The following REPS2 variants were observed in gnomAD, a reference collection of about 807,000 sequenced individuals.
REPS2 encodes RALBP1 associated Eps domain containing 2.
Under a neutral mutation model 53.6 loss-of-function variants are expected in REPS2, and 23 were observed. The ratio of observed to expected loss-of-function variants is 0.43; its 90% confidence interval spans 0.31 to 0.61. The LOEUF (loss-of-function observed/expected upper bound fraction) is 0.61, where lower values mean the gene tolerates loss of function less well. Ranked by LOEUF, REPS2 falls within the 20% of genes least tolerant of loss-of-function variation. The pLI is 0.11. For missense variants in REPS2, 446 were observed against 534.9 expected (o/e 0.83, Z 1.64); for synonymous variants, 238 against 218.6 (o/e 1.09, Z -0.78).
intron 1 of REPS2, among the ~76,000 whole-genome samples, chrX:16,951,543 ACACACACACACACACACC>A (rs760497779): frequency 0.19 from 12,002 of 62,974 alleles, 882 homozygotes; most frequent in Non-Finnish European, 0.28. Flanking sequence ...ACACACACAC[ACACACACACACACACACC>A]CCCGCTACCT....
chrX:17,000,499 A>T (rs1294143527), intron 1 of REPS2, among the ~76,000 whole-genome samples: 1 of 111,595 alleles, frequency 9.0e-6, no homozygotes, highest in African/African-American at 3.3e-5. Flanking sequence ...CACTTTCTAC[A>T]TGGCTACTGA....
At chrX:17,032,461 T>C (rs1017287836) in intron 5 of REPS2, among the ~76,000 whole-genome samples, 3 of 112,035 alleles carry the variant, frequency 2.7e-5, no homozygotes, top group Non-Finnish European at 5.6e-5. Flanking sequence ...TTCCTTCTTA[T>C]GCCTGTTAAC....
At chrX:16,988,560 A>C (rs781774993) in intron 1 of REPS2, among the ~76,000 whole-genome samples, 252 of 111,537 alleles carry the variant, frequency 2.3e-3, no homozygotes, top group Non-Finnish European at 4.0e-3. Context: ...TATGCTGAAA[A>C]CTATACAATG....
At chrX:17,039,789 C>G (rs1448463673) in intron 5 of REPS2, among the ~76,000 whole-genome samples, 1 of 112,154 alleles carries the variant, frequency 8.9e-6, no homozygotes, top group Non-Finnish European at 1.9e-5. Flanking sequence ...CCTCAGTTTC[C>G]TGTTCTGCAA....
chrX:17,095,851 A>G (rs1024926609), intron 13 of REPS2, among the ~76,000 whole-genome samples: 14 of 111,421 alleles, frequency 1.3e-4, no homozygotes, highest in Non-Finnish European at 1.9e-4. Flanking sequence ...GATGCCACCA[A>G]TTCCTGAGAA....
intron 9 of REPS2, among the ~76,000 whole-genome samples, chrX:17,063,199 A>G (rs971667773): frequency 8.9e-6 from 1 of 111,831 alleles, no homozygotes; most frequent in Non-Finnish European, 1.9e-5. Flanking sequence ...CACCATTATG[A>G]TTACTGTGAT....
At chrX:16,964,017 A>G (rs772971183) in intron 1 of REPS2, among the ~76,000 whole-genome samples, 1 of 108,895 alleles carries the variant, frequency 9.2e-6, no homozygotes, top group East Asian at 2.8e-4. Context: ...TTTTAATTTA[A>G]TTTAATTTTA....
chrX:17,036,435 ATTC>A (rs1340857544), intron 5 of REPS2, among the ~76,000 whole-genome samples: 1 of 111,720 alleles, frequency 9.0e-6, no homozygotes, highest in African/African-American at 3.3e-5. Flanking sequence ...TTGGTTTGTC[ATTC>A]TTAATGGCAT....
the REPS2 span, among the ~76,000 whole-genome samples, chrX:17,187,919 A>C: frequency 1.8e-5 from 2 of 112,842 alleles, no homozygotes; most frequent in Non-Finnish European, 3.7e-5. Context: ...GTTTTTTCTA[A>C]TAAATATACA....
intron 1 of REPS2, among the ~76,000 whole-genome samples, chrX:16,983,487 C>G (rs2061047561): frequency 9.0e-6 from 1 of 111,614 alleles, no homozygotes; most frequent in African/African-American, 3.3e-5. Context: ...TATTCCTTAC[C>G]TCCATTTTGT....
At chrX:17,047,849 A>G (rs2061929256) in intron 6 of REPS2, among the ~76,000 whole-genome samples, 1 of 112,844 alleles carries the variant, frequency 8.9e-6, no homozygotes, top group African/African-American at 3.2e-5. Flanking sequence ...AGTTGGTGTC[A>G]CAAGTCTTTT....
chrX:17,171,011 G>T, the REPS2 span, among the ~76,000 whole-genome samples: 14 of 112,970 alleles, frequency 1.2e-4, no homozygotes, highest in Admixed American at 2.8e-4. Context: ...GACTCCATCT[G>T]TCTGGCTGGC....
intron 17 of REPS2, among the ~76,000 whole-genome samples, chrX:17,146,143 A>C (rs1179973254): frequency 9.3e-6 from 1 of 107,775 alleles, no homozygotes; most frequent in African/African-American, 3.4e-5. Flanking sequence ...AGAAACCCTC[A>C]ATGCCATCCC....
At chrX:17,000,299 T>C (rs1485221528) in intron 1 of REPS2, among the ~76,000 whole-genome samples, 1 of 111,408 alleles carries the variant, frequency 9.0e-6, no homozygotes, top group African/African-American at 3.3e-5. Flanking sequence ...CACTATTTTT[T>C]ATTAAATTTT....
Position 17,148,904 on chromosome X carries a change from C to T in REPS2, c.*1423C>T. 1 of 374,137 alleles carries T rather than the reference C, an allele frequency of 2.7e-6. No homozygotes were observed. The highest frequency in any genetic ancestry group is 5.2e-6 in the Non-Finnish European group (1 of 192,127). The allele number at this position is 374,137 out of a possible 1,213,427, so 30.8% of individuals were successfully genotyped here. ...TTTGAAGCAGTTTTGGATAGGTTTG[C>T]AATATGTGGGATTCAGCCTTTGATT... is the stretch of plus-strand genomic sequence containing the variant. On this transcript the variant is annotated 3_prime_UTR_variant, in exon 18 of 18. Transcript: ENST00000357277.
the REPS2 span, among the ~76,000 whole-genome samples, chrX:17,169,249 C>T: frequency 3.6e-5 from 4 of 112,268 alleles, no homozygotes; most frequent in Admixed American, 2.8e-4. Context: ...GTTTGCTATG[C>T]AAGGAAAGCT....
intron 5 of REPS2, among the ~76,000 whole-genome samples, chrX:17,030,935 A>G (rs2061701502): frequency 8.9e-6 from 1 of 112,324 alleles, no homozygotes; most frequent in South Asian, 3.7e-4. Context: ...GGTGTAGTAA[A>G]AAATACTCTT....
chrX:17,092,558 G>A (rs1340345637), intron 13 of REPS2, among the ~76,000 whole-genome samples: 1 of 109,865 alleles, frequency 9.1e-6, no homozygotes, highest in Non-Finnish European at 1.9e-5. Flanking sequence ...GCTGGACAAA[G>A]CCTTGCTGAT....
chrX:17,057,240 C>G (rs1028871578), intron 8 of REPS2, among the ~76,000 whole-genome samples: 2 of 112,247 alleles, frequency 1.8e-5, no homozygotes, highest in African/African-American at 6.5e-5. Flanking sequence ...ATTATCTTGT[C>G]TAGCCCCTTC....
Sources: gnomAD v4.1 joint callset for allele counts (sites outside exome capture counted in the v4.1 genomes callset) on GRCh38, gnomAD v4.1.1 for gene constraint, MANE v1.5 for transcripts, NCBI Gene and HGNC (gene_info 2026-07-23, HGNC 2026-07-21) for gene names.